Variants in DPP6 observed in about 807,000 individuals in gnomAD.
DPP6 encodes the protein A-type potassium channel modulatory protein DPP6.
In DPP6, 69 loss-of-function variants were observed where a neutral mutation model predicts 122.6. The observed-to-expected ratio is 0.56, with a 90% CI of 0.46 to 0.69. The LOEUF is 0.69. DPP6 is among the 30% of genes least tolerant of loss of function. DPP6 has a pLI of 0.00. For missense variants in DPP6, 928 were observed against 1,116.9 expected, an observed-to-expected ratio of 0.83 and a Z score of 2.41; for synonymous variants, 418 against 433.1, an observed-to-expected ratio of 0.97 and a Z score of 0.43.
intron 1 of DPP6, among the ~76,000 whole-genome samples, chr7:154,214,392 G>C (rs1346270297): frequency 6.6e-6 from 1 of 152,220 alleles, no homozygotes; most frequent in Non-Finnish European, 1.5e-5. Context: ...TTGCTGCAGA[G>C]AATTCACCAG....
intron 1 of DPP6, among the ~76,000 whole-genome samples, chr7:154,006,092 A>G (rs1294308935): frequency 1.3e-5 from 2 of 152,060 alleles, no homozygotes; most frequent in African/African-American, 4.8e-5. Context: ...TGAAGACCTT[A>G]CTGATAGGTT....
At chr7:154,315,480 T>C (rs564559227) in intron 1 of DPP6, among the ~76,000 whole-genome samples, 1 of 152,246 alleles carries the variant, frequency 6.6e-6, no homozygotes, top group Admixed American at 6.5e-5. Flanking sequence ...ATTCCCTTCA[T>C]TTCTGTCTGT....
the DPP6 span, among the ~76,000 whole-genome samples, chr7:153,782,991 G>A: frequency 5.8e-3 from 878 of 152,282 alleles, 11 homozygotes; most frequent in African/African-American, 0.019. Context: ...GCTGAAATGC[G>A]GAATGTGGCC....
intron 1 of DPP6, among the ~76,000 whole-genome samples, chr7:154,189,042 C>A (rs1798488078): frequency 6.6e-6 from 1 of 152,144 alleles, no homozygotes; most frequent in Admixed American, 6.5e-5. Flanking sequence ...CAGCTCTGAC[C>A]AGGTAAGACT....
At chr7:154,008,820 C>A (rs1246473752) in intron 1 of DPP6, among the ~76,000 whole-genome samples, 2 of 151,688 alleles carry the variant, frequency 1.3e-5, no homozygotes, top group South Asian at 2.1e-4. Context: ...CGCCACTACG[C>A]CCGGCTAATT....
At chr7:153,918,700 C>A (rs1030145944) in intron 1 of DPP6, among the ~76,000 whole-genome samples, 1 of 151,810 alleles carries the variant, frequency 6.6e-6, no homozygotes, top group Non-Finnish European at 1.5e-5. Flanking sequence ...GAAATTACAG[C>A]CGGGCATGGT....
At chr7:154,881,233 G>T in intron 21 of DPP6, 1 of 403,160 alleles carries the variant, frequency 2.5e-6, no homozygotes, top group Non-Finnish European at 4.3e-6. Flanking sequence ...TCCATCTGCT[G>T]TAGCTCTTGG....
intron 1 of DPP6, among the ~76,000 whole-genome samples, chr7:154,170,332 C>T (rs1797470918): frequency 6.6e-6 from 1 of 152,158 alleles, no homozygotes; most frequent in African/African-American, 2.4e-5. Flanking sequence ...TCTAATATCC[C>T]TTATCCTTCC....
In DPP6 at chr7:154,483,092, A is replaced by AGGGAAGAG. The variant is rs945001925; in HGVS notation, c.457+8066_457+8073dup. 6.6e-6 allele frequency among the ~76,000 whole-genome samples: 1 copy of AGGGAAGAG among 152,018 alleles called. No homozygotes were observed. Among genetic ancestry groups the AGGGAAGAG allele is most frequent in the South Asian group, 2.1e-4 (1 of 4,812 alleles). ...GGAGGTACTGCTCAGAGCCTCTCGG[A>AGGGAAGAG]GGGAAGAGGGGAAGAGGGACACGGA... is the stretch of plus-strand genomic sequence containing the variant. On this transcript the variant is annotated intron_variant, in intron 3 of 25. Transcript: ENST00000377770. This position sits in a 1 kb window ranked among gnomAD's most constrained non-coding sequence, Gnocchi z 8.1.
rs541358234 is a variant in DPP6, at chr7:154,471,964, A to G, written c.359-2975A>G. On this transcript the variant is annotated intron_variant, in intron 2 of 25. Transcript: ENST00000377770. ...AGTCTAGGTGTATTAAAATATTGAC[A>G]AGTAGGAGATTGAACTGAAGAAATC... Among the ~76,000 whole-genome samples, 29 of 152,312 alleles carry G rather than the reference A, an allele frequency of 1.9e-4. 1 individual carries two copies. Among genetic ancestry groups the G allele is most frequent in the African/African-American group, 6.5e-4 (27 of 41,580 alleles).
the DPP6 span, among the ~76,000 whole-genome samples, chr7:153,748,872 G>A: frequency 6.8e-5 from 10 of 146,476 alleles, no homozygotes; most frequent in Non-Finnish European, 7.5e-5. Context: ...CCCGAGGCGC[G>A]CACCTCTGTC....
At chr7:153,885,593 G>A (rs1274889662), upstream of DPP6, among the ~76,000 whole-genome samples, 1 of 152,150 alleles carries the variant, frequency 6.6e-6, no homozygotes, top group Admixed American at 6.5e-5. Context: ...CCAGAACTGT[G>A]AGAAATAAAT....
At chr7:153,886,529 C>T (rs76323116), upstream of DPP6, among the ~76,000 whole-genome samples, 45 of 152,254 alleles carry the variant, frequency 3.0e-4, 1 homozygote, top group East Asian at 8.8e-3. Flanking sequence ...ACAAAGCCGC[C>T]GAGGGACGCG....
chr7:154,341,509 C>T (rs895802194), intron 1 of DPP6, among the ~76,000 whole-genome samples: 4 of 151,834 alleles, frequency 2.6e-5, no homozygotes, highest in Admixed American at 6.6e-5. Context: ...ACTCCTGGGT[C>T]GGGCTTTACT....
intron 1 of DPP6, chr7:154,305,585 T>C: frequency 2.5e-6 from 4 of 1,573,422 alleles, no homozygotes; most frequent in Non-Finnish European, 2.6e-6. Context: ...TGTGTGTGTG[T>C]GTGCGTGCGT....
At chr7:153,930,638 G>A (rs906462787) in intron 1 of DPP6, among the ~76,000 whole-genome samples, 7 of 152,134 alleles carry the variant, frequency 4.6e-5, no homozygotes, top group African/African-American at 1.7e-4. Flanking sequence ...TAGACTTTGT[G>A]TTCTTACCGA....
chr7:154,311,261 C>T (rs10238556), intron 1 of DPP6, among the ~76,000 whole-genome samples: 11,124 of 152,132 alleles, frequency 0.073, 387 homozygotes, highest in Middle Eastern at 0.1. Context: ...GGGAGGCCGA[C>T]GAGAGAGGAT....
At chr7:154,104,312 G>T (rs1805982046) in intron 1 of DPP6, among the ~76,000 whole-genome samples, 1 of 152,224 alleles carries the variant, frequency 6.6e-6, no homozygotes, top group South Asian at 2.1e-4. Context: ...GAGAAATTTT[G>T]CTTCCTGGAC....
At chr7:153,898,501 G>GA in intron 1 of DPP6, among the ~76,000 whole-genome samples, 1 of 152,192 alleles carries the variant, frequency 6.6e-6, no homozygotes, top group East Asian at 1.9e-4. Flanking sequence ...TTCCCAACGT[G>GA]AAAAAATGAT....
Sources: gnomAD v4.1 joint callset for allele counts (sites outside exome capture counted in the v4.1 genomes callset) on GRCh38, gnomAD v4.1.1 for gene constraint, Gnocchi (gnomAD v3.1) non-coding constraint, MANE v1.5 for transcripts, NCBI Gene and HGNC (gene_info 2026-07-23, HGNC 2026-07-21) for gene names.